The following RBFOX3 variants were observed in gnomAD, a reference collection of about 807,000 sequenced individuals.
RBFOX3 encodes RNA binding protein fox-1 homolog 3.
A neutral mutation model predicts 48.7 loss-of-function variants in RBFOX3; 17 were observed. The ratio of observed to expected loss-of-function variants is 0.35; its 90% CI spans 0.24 to 0.52. The LOEUF (loss-of-function observed/expected upper bound fraction) is 0.52. Among genes scored for constraint, RBFOX3 ranks in the 20% least tolerant of loss-of-function variants. The pLI is 0.94. For missense variants in RBFOX3, 382 were observed against 497.5 expected (o/e 0.77, Z 2.21); for synonymous variants, 212 against 209.5 (o/e 1.01, Z -0.10).
chr17:79,437,199 C>T (rs1034456910), intron 2 of RBFOX3, among the ~76,000 whole-genome samples: 11 of 152,126 alleles, frequency 7.2e-5, no homozygotes, highest in Admixed American at 2.6e-4. Flanking sequence ...AGGAGCCCCC[C>T]TGGGGTCTGG....
chr17:79,523,052 T>A (rs917996131), intron 1 of RBFOX3, among the ~76,000 whole-genome samples: 1 of 151,520 alleles, frequency 6.6e-6, no homozygotes, highest in Admixed American at 6.6e-5. Context: ...ATCCCGTAGA[T>A]TCCACTGATT....
chr17:79,410,185 G>A (rs1418149346), intron 2 of RBFOX3, among the ~76,000 whole-genome samples: 2 of 152,212 alleles, frequency 1.3e-5, no homozygotes, highest in Admixed American at 1.3e-4. Flanking sequence ...ACAGTGTCCT[G>A]GCCGCCTGGC....
At chr17:79,578,312 G>A (rs1172622119) in intron 1 of RBFOX3, among the ~76,000 whole-genome samples, 10 of 152,250 alleles carry the variant, frequency 6.6e-5, no homozygotes, top group Non-Finnish European at 1.0e-4. Context: ...AACAGCACAT[G>A]GTCAATCAGG....
the RBFOX3 span, among the ~76,000 whole-genome samples, chr17:79,628,188 C>G: frequency 6.6e-6 from 1 of 152,046 alleles, no homozygotes; most frequent in African/African-American, 2.4e-5. Context: ...AGGCCGGAGC[C>G]CTGGTCCCCA....
intron 1 of RBFOX3, among the ~76,000 whole-genome samples, chr17:79,485,678 C>T (rs1438959114): frequency 6.6e-6 from 1 of 152,232 alleles, no homozygotes; most frequent in African/African-American, 2.4e-5. Context: ...TCCTACCCAG[C>T]CCTGTCTGCA....
At chr17:79,261,307 G>C (rs1440419053) in intron 3 of RBFOX3, among the ~76,000 whole-genome samples, 1 of 152,342 alleles carries the variant, frequency 6.6e-6, no homozygotes, top group East Asian at 1.9e-4. Context: ...CAATAAATAT[G>C]TGTGAGTAAA....
At chr17:79,116,352 T>G (rs1410043194) in intron 4 of RBFOX3, among the ~76,000 whole-genome samples, 3 of 152,112 alleles carry the variant, frequency 2.0e-5, no homozygotes, top group Non-Finnish European at 4.4e-5. Flanking sequence ...CCATCTCTAC[T>G]AAAAATACAA....
At chr17:79,634,996 G>C in the RBFOX3 span, among the ~76,000 whole-genome samples, 3 of 129,306 alleles carry the variant, frequency 2.3e-5, no homozygotes, top group Non-Finnish European at 4.7e-5. Context: ...GGAGGCAGAG[G>C]TTGCAGCAAG....
chr17:79,272,862 T>C lies in RBFOX3; in HGVS notation c.-74+34862A>G, dbSNP rs142382349. On this transcript the variant is annotated intron_variant, in intron 3 of 14. Coordinates refer to ENST00000693108, the MANE Select transcript of RBFOX3 (RefSeq NM_001350451.2). ...TTCCCAACATCTTTCTCCAGAAAGA[T>C]TGTCTTCCCGATGTGCCAGCTGTGC... Among the ~76,000 whole-genome samples the C allele has an allele frequency of 1.2e-4, 19 of 152,282 alleles. No homozygotes were observed. In the East Asian group the frequency reaches 3.7e-3, roughly 29 times the overall value.
intron 2 of RBFOX3, among the ~76,000 whole-genome samples, chr17:79,329,041 C>T (rs1485248802): frequency 6.6e-6 from 1 of 152,106 alleles, no homozygotes; most frequent in Non-Finnish European, 1.5e-5. Context: ...AAAGGACCCA[C>T]GTGGCCAGGA....
chr17:79,289,570 C>T (rs1440382939), intron 3 of RBFOX3, among the ~76,000 whole-genome samples: 1 of 152,230 alleles, frequency 6.6e-6, no homozygotes, highest in African/African-American at 2.4e-5. Flanking sequence ...GGTGACAGCC[C>T]AGGGACTGTG....
intron 1 of RBFOX3, among the ~76,000 whole-genome samples, chr17:79,573,800 T>C (rs1205853032): frequency 6.6e-6 from 1 of 152,188 alleles, no homozygotes; most frequent in African/African-American, 2.4e-5. Context: ...TTTTTCTCTC[T>C]GAATCTGCCC....
At chr17:79,216,502 G>A (rs116180981) in intron 4 of RBFOX3, among the ~76,000 whole-genome samples, 1,942 of 152,264 alleles carry the variant, frequency 0.013, 41 homozygotes, top group African/African-American at 0.045. Flanking sequence ...CATGAGGCCA[G>A]GGGGCAGGAG....
rs543595984 is a variant in RBFOX3, at chr17:79,102,911, C to T, written c.507+251G>A. Among the ~76,000 whole-genome samples the T allele has an allele frequency of 1.1e-4, 16 of 152,282 alleles. No individual in the cohort carries two copies. The South Asian group carries it at 3.1e-3, about 30-fold the overall frequency. ...TCCTCCAGTGTCTGGTTGGGGACAG[C>T]GCCTCTCCTAGGAAAAGGAGGGAAG... is the stretch of plus-strand genomic sequence containing the variant. On this transcript the variant is annotated intron_variant, in intron 8 of 14. Transcript: ENST00000693108.
chr17:79,363,600 A>C lies in RBFOX3; in HGVS notation c.-174-55776T>G, dbSNP rs922429261. Among the ~76,000 whole-genome samples the C allele has an allele frequency of 1.3e-5, 2 of 151,872 alleles. No homozygotes were observed. The highest frequency in any genetic ancestry group is 4.8e-5 in the African/African-American group (2 of 41,314). ...TCCCTGGGGGGTCTCCGCGAGCAAC[A>C]TACCTCTTACCCAGGGGCCCAATCG... is the stretch of plus-strand genomic sequence containing the variant. On this transcript the variant is annotated intron_variant, in intron 2 of 14. Coordinates refer to ENST00000693108, the MANE Select transcript of RBFOX3 (RefSeq NM_001350451.2). The surrounding 1 kb of genome is among the most constrained non-coding windows in gnomAD (Gnocchi z 4.7).
intron 1 of RBFOX3, among the ~76,000 whole-genome samples, chr17:79,576,727 AGATGGAGAT>A (rs1465607991): frequency 2.0e-5 from 3 of 151,602 alleles, no homozygotes; most frequent in Non-Finnish European, 4.4e-5. Context: ...ATCATGCAGA[AGATGGAGAT>A]GATGGAGATC....
chr17:79,253,348 TA>T (rs11327399), intron 3 of RBFOX3, among the ~76,000 whole-genome samples: 7,540 of 151,990 alleles, frequency 0.05, 267 homozygotes, highest in Middle Eastern at 0.11. Flanking sequence ...CAGCTGAGGT[TA>T]AAAAAAAGTC....
At chr17:79,527,050 G>A (rs1472669634) in intron 1 of RBFOX3, among the ~76,000 whole-genome samples, 14 of 152,050 alleles carry the variant, frequency 9.2e-5, no homozygotes, top group African/African-American at 3.4e-4. Flanking sequence ...CCCACCCTGG[G>A]CAGCCTGAGC....
rs1223863545 is a variant in RBFOX3, at chr17:79,220,247, C to G, written c.-34+15519G>C. ...GGCTCCCGGGGAGGAGGGGAGGAGA[C>G]CCAATCAGGGAAGCGGCCGCTGGCG... On this transcript the variant is annotated intron_variant, in intron 4 of 14. Transcript: ENST00000693108. This position sits in a 1 kb window ranked among gnomAD's most constrained non-coding sequence, Gnocchi z 5.9. Among the ~76,000 whole-genome samples, 1 of 152,188 alleles carries G rather than the reference C, an allele frequency of 6.6e-6. No homozygotes were observed. Among genetic ancestry groups the G allele is most frequent in the African/African-American group, 2.4e-5 (1 of 41,434 alleles).
Sources: allele counts gnomAD v4.1 joint callset (sites outside exome capture counted in the v4.1 genomes callset), GRCh38; gene constraint gnomAD v4.1.1; non-coding constraint Gnocchi (gnomAD v3.1); transcripts MANE v1.5; gene names NCBI Gene and HGNC (gene_info 2026-07-23, HGNC 2026-07-21).